The following AGBL1 variants were observed in gnomAD, a reference collection of about 807,000 sequenced individuals.
The protein encoded by AGBL1 is cytosolic carboxypeptidase 4.
AGBL1 carries 130 observed loss-of-function variants against 118.9 expected under a neutral mutation model. The ratio of observed to expected loss-of-function variants is 1.09; its 90% confidence interval spans 0.95 to 1.26. AGBL1 has a LOEUF of 1.26. AGBL1 is among the 50% of genes most tolerant of loss of function. The pLI is 0.00. For synonymous variants in AGBL1, 555 were observed against 478.9 expected (o/e 1.16, Z -2.08); for missense variants, 1,584 against 1,298.1 (o/e 1.22, Z -3.38).
chr15:86,438,154 T>C (rs1396312636), intron 18 of AGBL1, among the ~76,000 whole-genome samples: 1 of 152,058 alleles, frequency 6.6e-6, no homozygotes, highest in Admixed American at 6.5e-5. Flanking sequence ...GATCCATCCA[T>C]CTCGGCCTCC....
intron 5 of AGBL1, among the ~76,000 whole-genome samples, chr15:86,217,785 TG>T (rs769095335): frequency 1.3e-5 from 2 of 152,150 alleles, no homozygotes; most frequent in African/African-American, 2.4e-5. Context: ...GGGACAAAGC[TG>T]GAGAGGGTGG....
intron 22 of AGBL1, among the ~76,000 whole-genome samples, chr15:86,708,877 G>T (rs2086503623): frequency 1.3e-5 from 2 of 152,040 alleles, no homozygotes; most frequent in South Asian, 4.1e-4. Context: ...TTGCACACTT[G>T]CCAAGTCCTA....
rs1345507179 is a variant in AGBL1 at position 86,142,005 on chromosome 15, G to T, written c.53G>T (p.Ser18Ile). 1 of 1,549,830 alleles carries T rather than the reference G, an allele frequency of 6.5e-7. No homozygotes were observed. Among genetic ancestry groups the T allele is most frequent in the Admixed American group, 2.0e-5 (1 of 50,930 alleles). ...GLQVLLHTLQ[S>I]SSDKESILTI... ...TGGCTGCCTGTGTTCTCATTGCAGAGCTCCTCTGACAAGGAGTCCATCCTG... is the reference window on the plus strand; with the variant it reads ...TGGCTGCCTGTGTTCTCATTGCAGATCTCCTCTGACAAGGAGTCCATCCTG... The change falls in exon 2 of 23, where the codon AGC becomes ATC. Residue 18 changes from serine (S) to isoleucine (I), a missense_variant and splice_region_variant. Ser to Ile is a moderately radical substitution (Grantham distance 142, BLOSUM62 -2). Coordinates refer to ENST00000614907, the MANE Select transcript of AGBL1 (RefSeq NM_001386094.1).
At chr15:86,156,568 T>A (rs2077193975) in intron 4 of AGBL1, among the ~76,000 whole-genome samples, 1 of 152,130 alleles carries the variant, frequency 6.6e-6, no homozygotes, top group Non-Finnish European at 1.5e-5. Context: ...CTCATAGACT[T>A]GGTAGATGGG....
intron 4 of AGBL1, among the ~76,000 whole-genome samples, chr15:86,156,929 A>G (rs971822065): frequency 6.6e-6 from 1 of 151,198 alleles, no homozygotes; most frequent in Admixed American, 6.6e-5. Flanking sequence ...AGCTGGGATT[A>G]CAGTTGTGCA....
At position 86,670,472 on chromosome 15, in the gene AGBL1, C is replaced by A. The variant is rs956050071; in HGVS notation, c.2995-3801C>A. Among the ~76,000 whole-genome samples, 12 of 151,694 alleles carry A rather than the reference C, an allele frequency of 7.9e-5. 1 individual carries two copies. Among genetic ancestry groups the A allele is most frequent in the African/African-American group, 2.7e-4 (11 of 41,328 alleles). On this transcript the variant is annotated intron_variant, in intron 21 of 22. Transcript: ENST00000614907. ...TACAAAAATTAGCTGGGTGTGGTGG[C>A]AGGTATCTGTAATCACAGCTACTCG...
chr15:86,341,157 C>G (rs1286728112), intron 17 of AGBL1, among the ~76,000 whole-genome samples: 1 of 152,228 alleles, frequency 6.6e-6, no homozygotes, highest in Non-Finnish European at 1.5e-5. Flanking sequence ...AAGTGGCCCA[C>G]TTAGGGTGCT....
At chr15:86,328,892 C>A (rs1778890254) in intron 17 of AGBL1, among the ~76,000 whole-genome samples, 1 of 152,194 alleles carries the variant, frequency 6.6e-6, no homozygotes, top group Admixed American at 6.5e-5. Flanking sequence ...AATTTGGGCT[C>A]ATATAAAGTC....
At chr15:86,901,291 G>T (rs577155321) in intron 22 of AGBL1, among the ~76,000 whole-genome samples, 4 of 152,032 alleles carry the variant, frequency 2.6e-5, no homozygotes, top group Admixed American at 2.6e-4. Flanking sequence ...ATAAGTTTTA[G>T]AAAACATTAA....
chr15:86,655,527 C>T lies in AGBL1; in HGVS notation c.2995-18746C>T, dbSNP rs144153133. 8.5e-5 allele frequency among the ~76,000 whole-genome samples: 13 copies of T among 152,248 alleles called. No homozygotes were observed. In the East Asian group the frequency reaches 1.5e-3, roughly 18 times the overall value. On this transcript the variant is annotated intron_variant, in intron 21 of 22. Transcript: ENST00000614907. Reference sequence around the variant, plus strand: ...GTCTTTCCTTTTCTCTCCTCTTCTTCCCTCAAATATTTGTAAAGCATCTTA... The same window carrying T: ...GTCTTTCCTTTTCTCTCCTCTTCTTTCCTCAAATATTTGTAAAGCATCTTA...
At chr15:86,169,710 A>G (rs1434759990) in intron 5 of AGBL1, among the ~76,000 whole-genome samples, 2 of 152,248 alleles carry the variant, frequency 1.3e-5, no homozygotes, top group African/African-American at 4.8e-5. Context: ...AAATCTGTTC[A>G]TATTCAGCAC....
intron 21 of AGBL1, among the ~76,000 whole-genome samples, chr15:86,609,635 C>G (rs1000834049): frequency 2.0e-5 from 3 of 152,162 alleles, no homozygotes; most frequent in Admixed American, 6.5e-5. Flanking sequence ...CTCGTGAAAA[C>G]TTCTTGTTAA....
intron 3 of AGBL1, among the ~76,000 whole-genome samples, chr15:86,144,235 C>T (rs554155461): frequency 5.3e-5 from 8 of 152,228 alleles, no homozygotes; most frequent in East Asian, 3.9e-4. Context: ...TAAGTTAGTT[C>T]CACCATTGTG....
chr15:86,386,930 A>G (rs548931768), intron 17 of AGBL1, among the ~76,000 whole-genome samples: 3 of 152,184 alleles, frequency 2.0e-5, no homozygotes, highest in South Asian at 2.1e-4. Context: ...TATGTTGTTT[A>G]TGTTGTGACA....
At chr15:86,977,332 A>G (rs2081185559) in intron 23 of AGBL1, among the ~76,000 whole-genome samples, 2 of 151,392 alleles carry the variant, frequency 1.3e-5, no homozygotes, top group South Asian at 4.2e-4. Context: ...TACTTTATTA[A>G]TTTTATAATA....
chr15:86,604,215 T>C (rs1336533054), intron 21 of AGBL1, among the ~76,000 whole-genome samples: 2 of 152,124 alleles, frequency 1.3e-5, no homozygotes, highest in African/African-American at 4.8e-5. Flanking sequence ...AATTACAAAG[T>C]TGTAATATGA....
At chr15:86,946,842 C>CT (rs2080828377) in intron 23 of AGBL1, among the ~76,000 whole-genome samples, 1 of 18,864 alleles carries the variant, frequency 5.3e-5, no homozygotes, top group Non-Finnish European at 1.2e-4. Context: ...GAAACTCGGT[C>CT]CAAAAAAAAA....
intron 22 of AGBL1, among the ~76,000 whole-genome samples, chr15:86,822,687 G>A (rs2078957958): frequency 6.6e-6 from 1 of 152,122 alleles, no homozygotes. Flanking sequence ...CAGTTTTTCA[G>A]GAAAGAAGGA....
At chr15:86,888,343 A>C (rs1161801394) in intron 22 of AGBL1, among the ~76,000 whole-genome samples, 1 of 150,236 alleles carries the variant, frequency 6.7e-6, no homozygotes, top group African/African-American at 2.5e-5. Flanking sequence ...TATTCAGAAG[A>C]CTGGAGCTCT....
Sources: allele counts gnomAD v4.1 joint callset (sites outside exome capture counted in the v4.1 genomes callset), GRCh38; gene constraint gnomAD v4.1.1; transcripts MANE v1.5; gene names NCBI Gene and HGNC (gene_info 2026-07-23, HGNC 2026-07-21).